MICU3: variants seen among roughly 807,000 people sequenced by gnomAD.
MICU3 encodes mitochondrial calcium uptake 3.
A neutral mutation model predicts 66.5 loss-of-function variants in MICU3; 62 were observed. The observed-to-expected ratio is 0.93, with a 90% CI of 0.76 to 1.15. The LOEUF (loss-of-function observed/expected upper bound fraction) is 1.15, where lower values mean the gene tolerates loss of function less well. MICU3 is among the 50% of genes most tolerant of loss of function. The pLI is 0.00. For synonymous variants in MICU3, 308 were observed against 240.7 expected, an observed-to-expected ratio of 1.28 and a Z score of -2.59; for missense variants, 779 against 664.4, an observed-to-expected ratio of 1.17 and a Z score of -1.90.
intron 3 of MICU3, among the ~76,000 whole-genome samples, chr8:17,073,395 A>G (rs930058662): frequency 5.3e-5 from 8 of 151,864 alleles, no homozygotes; most frequent in Non-Finnish European, 2.9e-5. Context: ...GAGGGATCTA[A>G]GTTGTGTGCT....
intron 7 of MICU3, among the ~76,000 whole-genome samples, chr8:17,088,734 G>T (rs1585428382): frequency 2.0e-5 from 3 of 151,776 alleles, no homozygotes; most frequent in East Asian, 3.9e-4. Context: ...CATCCATCAA[G>T]TAATAAAGGG....
intron 1 of MICU3, among the ~76,000 whole-genome samples, chr8:17,046,730 C>T (rs115419954): frequency 1.9e-3 from 284 of 152,020 alleles, no homozygotes; most frequent in African/African-American, 6.6e-3. Flanking sequence ...CCAGAATTCT[C>T]GTCAAAAGGA....
At chr8:17,044,905 T>A (rs1041404127) in intron 1 of MICU3, among the ~76,000 whole-genome samples, 3 of 152,216 alleles carry the variant, frequency 2.0e-5, no homozygotes, top group Non-Finnish European at 4.4e-5. Context: ...CACGTTTTAA[T>A]TGGCCTTCCA....
intron 7 of MICU3, among the ~76,000 whole-genome samples, chr8:17,087,875 T>C (rs571227755): frequency 2.6e-5 from 4 of 152,166 alleles, no homozygotes; most frequent in African/African-American, 9.6e-5. Context: ...TAACCAGAAA[T>C]ACAGTGAATT....
At chr8:17,039,303 A>G (rs1044295529) in intron 1 of MICU3, among the ~76,000 whole-genome samples, 1 of 152,228 alleles carries the variant, frequency 6.6e-6, no homozygotes, top group Non-Finnish European at 1.5e-5. Flanking sequence ...GTGGAACTGA[A>G]CCTTCAGTGT....
intron 5 of MICU3, among the ~76,000 whole-genome samples, chr8:17,082,200 A>G (rs1821289252): frequency 6.6e-6 from 1 of 152,116 alleles, no homozygotes. Flanking sequence ...TGAAGGGTTT[A>G]CTATGTTTTC....
At chr8:17,105,130 A>G (rs1346075367) in intron 10 of MICU3, among the ~76,000 whole-genome samples, 1 of 151,838 alleles carries the variant, frequency 6.6e-6, no homozygotes, top group Non-Finnish European at 1.5e-5. Context: ...TAGTTTAAGT[A>G]TCATTGCTAT....
At chr8:17,069,616 A>T in intron 2 of MICU3, 72 bp from the exon 3 acceptor site, 1 of 946,736 alleles carries the variant, frequency 1.1e-6, no homozygotes, top group East Asian at 2.9e-5. Flanking sequence ...ATGGTTGTAG[A>T]TGGTTAGCAA....
At chr8:17,048,196 C>T (rs1372131011) in intron 1 of MICU3, among the ~76,000 whole-genome samples, 2 of 152,120 alleles carry the variant, frequency 1.3e-5, no homozygotes, top group Non-Finnish European at 2.9e-5. Flanking sequence ...CTACATTTCA[C>T]TTCATTTAAA....
At chr8:17,034,120 C>T (rs531582558) in intron 1 of MICU3, among the ~76,000 whole-genome samples, 1 of 152,160 alleles carries the variant, frequency 6.6e-6, no homozygotes, top group South Asian at 2.1e-4. Flanking sequence ...GCTCATTTAC[C>T]ATTCTGAAAA....
intron 1 of MICU3, among the ~76,000 whole-genome samples, chr8:17,048,063 A>G (rs758633301): frequency 1.3e-5 from 2 of 152,212 alleles, no homozygotes; most frequent in African/African-American, 2.4e-5. Context: ...TCTTCATGTC[A>G]TAATTATCCA....
At chr8:17,116,668 T>G (rs1802708940) in intron 13 of MICU3, 68 bp downstream of exon 13, 1 of 1,154,544 alleles carries the variant, frequency 8.7e-7, no homozygotes, top group Non-Finnish European at 1.2e-6. Context: ...TCCATCTAAG[T>G]TGAGAAATAA....
chr8:17,062,898 A>G (rs900868711), intron 1 of MICU3, among the ~76,000 whole-genome samples: 2 of 151,840 alleles, frequency 1.3e-5, no homozygotes, highest in Non-Finnish European at 2.9e-5. Context: ...AAAAGAACTT[A>G]TCCTGAAGAA....
intron 1 of MICU3, among the ~76,000 whole-genome samples, chr8:17,049,191 C>A (rs1361146221): frequency 6.6e-6 from 1 of 152,132 alleles, no homozygotes; most frequent in East Asian, 1.9e-4. Flanking sequence ...GCCTAGTGTT[C>A]CATTGTATCC....
chr8:17,058,191 A>G (rs1817271699), intron 1 of MICU3, among the ~76,000 whole-genome samples: 1 of 152,210 alleles, frequency 6.6e-6, no homozygotes, highest in Admixed American at 6.5e-5. Flanking sequence ...CAAAAGTACC[A>G]TTTACTGAAA....
chr8:17,042,991 C>G (rs935062267), intron 1 of MICU3, among the ~76,000 whole-genome samples: 2 of 125,884 alleles, frequency 1.6e-5, no homozygotes, highest in Non-Finnish European at 3.1e-5. Context: ...CCAAGCTGGA[C>G]TGCAGTGGCG....
chr8:17,116,988 T>G (rs529202363), intron 13 of MICU3, among the ~76,000 whole-genome samples: 23 of 152,292 alleles, frequency 1.5e-4, no homozygotes, highest in African/African-American at 5.1e-4. Context: ...ATTTTATTTA[T>G]TCTTTTAGAG....
chr8:17,074,902 A>T (rs1385379096), intron 3 of MICU3, among the ~76,000 whole-genome samples: 2 of 152,120 alleles, frequency 1.3e-5, no homozygotes, highest in Non-Finnish European at 2.9e-5. Flanking sequence ...GAGTTTAAGC[A>T]TGGTGCCTAA....
At chr8:17,035,122 A>G (rs1199343009) in intron 1 of MICU3, among the ~76,000 whole-genome samples, 2 of 152,186 alleles carry the variant, frequency 1.3e-5, no homozygotes, top group Non-Finnish European at 2.9e-5. Context: ...GCCATGTAAG[A>G]GGTGACTCTG....
Sources: gnomAD v4.1 joint callset for allele counts (sites outside exome capture counted in the v4.1 genomes callset) on GRCh38, gnomAD v4.1.1 for gene constraint, MANE v1.5 for transcripts, NCBI Gene and HGNC (gene_info 2026-07-23, HGNC 2026-07-21) for gene names.